POGLUT1: variants seen among roughly 807,000 people sequenced by gnomAD.
POGLUT1 encodes protein O-glucosyltransferase 1, also known as 9630046K23Rik.
A neutral mutation model predicts 61.3 loss-of-function variants in POGLUT1; 32 were observed. That is an observed-to-expected ratio of 0.52 (90% CI 0.39 to 0.70). The LOEUF is 0.70. Among genes scored for constraint, POGLUT1 ranks in the 30% least tolerant of loss-of-function variants. POGLUT1 has a pLI of 0.00. For synonymous variants in POGLUT1, 158 were observed against 158.2 expected, an observed-to-expected ratio of 1.00 and a Z score of 0.01; for missense variants, 411 against 469.8, an observed-to-expected ratio of 0.87 and a Z score of 1.16.
chr3:119,485,445 T>A, intron 6 of POGLUT1, 58 bp downstream of exon 6: 1 of 1,175,202 alleles, frequency 8.5e-7, no homozygotes, highest in Non-Finnish European at 1.3e-6. Flanking sequence ...AAAATGTAAG[T>A]AACTTTGAGG....
Position 119,492,466 on chromosome 3 carries a change from T to C in POGLUT1, c.*28T>C, listed in dbSNP as rs755918851. On this transcript the variant is annotated 3_prime_UTR_variant, in exon 11 of 11. Transcript: ENST00000295588. The stretch of plus-strand genomic sequence containing the variant: ...GTCATCATAGGACCATAGTCCTCTT[T>C]GTGGCAACAGATCTCAGATATCCTA... 6.8e-7 allele frequency: 1 copy of C among 1,462,204 alleles called. No homozygotes were observed. Among genetic ancestry groups the C allele is most frequent in the South Asian group, 1.3e-5 (1 of 75,420 alleles). 90.6% of individuals were successfully genotyped at this position (1,462,204 alleles called of 1,614,324 possible). A position where few individuals can be genotyped will look rare whatever the true frequency, so the allele number is the denominator to read the frequency against.
intron 8 of POGLUT1, chr3:119,490,271 C>T: frequency 2.5e-6 from 1 of 398,352 alleles, no homozygotes. Flanking sequence ...TACACTCTAC[C>T]CGGCACCCAG....
chr3:119,489,979 G>A (rs1452346483), intron 8 of POGLUT1: 1 of 153,426 alleles, frequency 6.5e-6, no homozygotes, highest in Non-Finnish European at 1.5e-5. Flanking sequence ...TGGAAAAATT[G>A]TCTCCCATGA....
At chr3:119,485,252 C>A in intron 5 of POGLUT1, 76 bp from the exon 6 acceptor site, 1 of 918,326 alleles carries the variant, frequency 1.1e-6, no homozygotes. Flanking sequence ...CTGAACTAAT[C>A]TTCAGAAATG....
chr3:119,482,037 A>C (rs1346863961), intron 5 of POGLUT1, among the ~76,000 whole-genome samples: 1 of 152,126 alleles, frequency 6.6e-6, no homozygotes, highest in Non-Finnish European at 1.5e-5. Context: ...AAGTGCTGGG[A>C]TTACAGGCAT....
chr3:119,492,040 G>A (rs2081753954), intron 10 of POGLUT1, among the ~76,000 whole-genome samples: 1 of 149,460 alleles, frequency 6.7e-6, no homozygotes, highest in African/African-American at 2.5e-5. Flanking sequence ...AGCAACAAGA[G>A]CGAAACTCCG....
At chr3:119,490,273 G>A (rs1307338057) in intron 8 of POGLUT1, 3 of 399,246 alleles carry the variant, frequency 7.5e-6, no homozygotes, top group South Asian at 3.4e-5. Flanking sequence ...CACTCTACCC[G>A]GCACCCAGCT....
intron 2 of POGLUT1, among the ~76,000 whole-genome samples, chr3:119,470,725 G>A (rs571037165): frequency 1.3e-5 from 2 of 152,320 alleles, no homozygotes; most frequent in Middle Eastern, 6.8e-3. Context: ...TTCTTCATCA[G>A]CTAAATAACA....
At position 119,493,803 on chromosome 3, in the gene POGLUT1, A is replaced by ATTTTTTTTTCTTTTT. The variant is rs2081781941; in HGVS notation, c.*1374_*1375insCTTTTTTTTTTTTTT. On this transcript the variant is annotated 3_prime_UTR_variant, in exon 11 of 11. Coordinates refer to ENST00000295588, the MANE Select transcript of POGLUT1 (RefSeq NM_152305.3). ...GGAATAAGCAGATGTTTAAAGTTGG[A>ATTTTTTTTTCTTTTT]TTTTTTTTTTTTTTTTTTTTTGAGT... 8.3e-6 allele frequency: 1 copy of ATTTTTTTTTCTTTTT among 119,912 alleles called. No individual in the cohort carries two copies. The highest frequency in any genetic ancestry group is 3.4e-5 in the African/African-American group (1 of 29,260). The allele number at this position is 119,912 out of a possible 1,614,324, so 7.4% of individuals were successfully genotyped here.
chr3:119,471,199 C>A, intron 2 of POGLUT1, 110 bp from the exon 3 acceptor site: 1 of 910,176 alleles, frequency 1.1e-6, no homozygotes, highest in Non-Finnish European at 1.7e-6. Context: ...TCGATTCTTT[C>A]CTTCCACTTA....
chr3:119,490,606 C>A lies in POGLUT1; in HGVS notation c.853C>A (p.Leu285Met), dbSNP rs1168619200. Residue 285 changes from leucine to methionine, a missense_variant, in exon 9 of 11, where the codon CTG becomes ATG. Physicochemically the swap from Leu to Met is conservative, Grantham distance 15. Transcript: ENST00000295588. The part of the protein sequence containing the change: ...AASFRFKHLF[L>M]CGSLVFHVGD... Reference sequence around the variant, plus strand: ...AAGTTTCCGGTTTAAACACCTCTTCCTGTGTGGCTCACTTGTTTTCCATGT... The same window carrying A: ...AAGTTTCCGGTTTAAACACCTCTTCATGTGTGGCTCACTTGTTTTCCATGT... The A allele has an allele frequency of 6.2e-6, 10 of 1,613,966 alleles. No individual in the cohort carries two copies. The highest frequency in any genetic ancestry group is 8.5e-6 in the Non-Finnish European group (10 of 1,179,970).
At chr3:119,481,259 T>G (rs754315005) in intron 5 of POGLUT1, among the ~76,000 whole-genome samples, 4 of 152,202 alleles carry the variant, frequency 2.6e-5, no homozygotes, top group African/African-American at 4.8e-5. Flanking sequence ...CCTCTCTGAT[T>G]CATGACTGAG....
At chr3:119,491,924 C>T (rs887739969) in intron 10 of POGLUT1, among the ~76,000 whole-genome samples, 5 of 151,966 alleles carry the variant, frequency 3.3e-5, no homozygotes, top group African/African-American at 4.8e-5. Flanking sequence ...TGTGGTGGTG[C>T]GTGCCTGTAA....
At chr3:119,474,561 C>T (rs1419922532) in intron 3 of POGLUT1, among the ~76,000 whole-genome samples, 1 of 152,092 alleles carries the variant, frequency 6.6e-6, no homozygotes, top group Non-Finnish European at 1.5e-5. Flanking sequence ...TGTGGCCGGG[C>T]ATGGTGGATC....
In POGLUT1 at chr3:119,470,608, A is replaced by G. The variant is rs1327446571; in HGVS notation, c.176+698A>G. Among the ~76,000 whole-genome samples, 2 of 152,124 alleles carry G rather than the reference A, an allele frequency of 1.3e-5. 1 individual carries two copies. The highest frequency in any genetic ancestry group is 2.9e-5 in the Non-Finnish European group (2 of 68,008). On this transcript the variant is annotated intron_variant, in intron 2 of 10. Coordinates refer to ENST00000295588, the MANE Select transcript of POGLUT1 (RefSeq NM_152305.3). Reference sequence around the variant, plus strand: ...AGAGAGAATGCACATCAGGGCCGGGATGAGGTATGGTAGAAAGATAACTCT... The same window carrying G: ...AGAGAGAATGCACATCAGGGCCGGGGTGAGGTATGGTAGAAAGATAACTCT...
At position 119,489,200 on chromosome 3, in the gene POGLUT1, G is replaced by A. The variant is rs2081709625; in HGVS notation, c.797+213G>A. 4 of 399,200 alleles carry A rather than the reference G, an allele frequency of 1.0e-5. No homozygotes were observed. The Admixed American group carries it at 1.5e-4, about 15-fold the overall frequency. 24.7% of individuals were successfully genotyped at this position (399,200 alleles called of 1,614,324 possible). ...GGAACATGGTTCCTGCTTCCAAACA[G>A]CTGCATGCTAGCTAGTAATCACAGT... On this transcript the variant is annotated intron_variant, in intron 8 of 10. Coordinates refer to ENST00000295588, the MANE Select transcript of POGLUT1 (RefSeq NM_152305.3).
At chr3:119,479,934 A>G in intron 4 of POGLUT1, 117 bp from the exon 5 acceptor site, 1 of 1,561,352 alleles carries the variant, frequency 6.4e-7, no homozygotes, top group Non-Finnish European at 8.7e-7. Context: ...TAGGGAAAAT[A>G]TATCTTTGAC....
At chr3:119,486,800 C>T (rs1339915155) in intron 6 of POGLUT1, 33 bp from the exon 7 acceptor site, 4 of 1,414,440 alleles carry the variant, frequency 2.8e-6, no homozygotes, top group Non-Finnish European at 3.0e-6. Flanking sequence ...TAATACAGGC[C>T]ACACAGTTTT....
intron 4 of POGLUT1, 113 bp from the exon 5 acceptor site, chr3:119,479,938 C>T (rs2081586368): frequency 1.9e-6 from 3 of 1,567,656 alleles, no homozygotes; most frequent in Admixed American, 1.8e-5. Flanking sequence ...GAAAATATAT[C>T]TTTGACAATG....
Sources: allele counts gnomAD v4.1 joint callset (sites outside exome capture counted in the v4.1 genomes callset), GRCh38; gene constraint gnomAD v4.1.1; transcripts MANE v1.5; gene names NCBI Gene and HGNC (gene_info 2026-07-23, HGNC 2026-07-21).